THSD7A: variants seen among roughly 807,000 people sequenced by gnomAD.
THSD7A encodes thrombospondin type-1 domain-containing protein 7A.
Under a neutral mutation model 231.3 loss-of-function variants are expected in THSD7A, and 96 were observed. The ratio of observed to expected loss-of-function variants is 0.41; its 90% CI spans 0.35 to 0.49. The LOEUF is 0.49. Among genes scored for constraint, THSD7A ranks in the 20% least tolerant of loss-of-function variants. THSD7A has a pLI of 0.05. For synonymous variants in THSD7A, 940 were observed against 743.3 expected (o/e 1.26, Z -4.30); for missense variants, 2,290 against 2,070.2 (o/e 1.11, Z -2.06).
chr7:11,672,805 T>C (rs1043885931), intron 1 of THSD7A, among the ~76,000 whole-genome samples: 3 of 152,204 alleles, frequency 2.0e-5, no homozygotes, highest in Admixed American at 6.5e-5. Context: ...CATCAATCTT[T>C]TTTTCAAAAT....
chr7:11,728,691 G>A (rs1781625703), intron 1 of THSD7A, among the ~76,000 whole-genome samples: 1 of 151,802 alleles, frequency 6.6e-6, no homozygotes. Context: ...GGTTTGCATT[G>A]ATCAAATCCT....
At chr7:11,644,421 A>G (rs1160862693) in intron 1 of THSD7A, among the ~76,000 whole-genome samples, 1 of 151,934 alleles carries the variant, frequency 6.6e-6, no homozygotes, top group Non-Finnish European at 1.5e-5. Flanking sequence ...TTTCATCTAA[A>G]CTAGATTTAA....
intron 13 of THSD7A, among the ~76,000 whole-genome samples, chr7:11,439,791 C>T (rs1487425998): frequency 6.6e-6 from 1 of 151,986 alleles, no homozygotes; most frequent in Non-Finnish European, 1.5e-5. Context: ...AGGAAAGAAG[C>T]TGTCTATAAC....
At chr7:11,624,020 C>T (rs985258636) in intron 2 of THSD7A, among the ~76,000 whole-genome samples, 29 of 152,156 alleles carry the variant, frequency 1.9e-4, no homozygotes, top group African/African-American at 7.0e-4. Context: ...CTATCCAAAT[C>T]ATCCCAGCAT....
rs753486363 is a variant in THSD7A at position 11,636,803 on chromosome 7, A to G, written c.349T>C (p.Trp117Arg). The change falls in exon 2 of 28, where the codon TGG becomes CGG. Residue 117 changes from tryptophan (W) to arginine (R), a missense_variant. Transcript: ENST00000423059. This position sits in a 1 kb window ranked among gnomAD's most constrained non-coding sequence, Gnocchi z 10.0. Reference protein sequence around the residue: ...NQQNCFKVCDWHKELYDWRLG... With the variant: ...NQQNCFKVCDRHKELYDWRLG... ...CTCCAGTCGTACAACTCTTTGTGCC[A>G]ATCGCAAACTTTGAAACAATTCTGC... The G allele has an allele frequency of 1.7e-5, 28 of 1,613,862 alleles. No homozygotes were observed. In the South Asian group the frequency reaches 2.5e-4, roughly 15 times the overall value.
At chr7:11,774,430 T>G (rs1304496377) in intron 1 of THSD7A, among the ~76,000 whole-genome samples, 1 of 151,966 alleles carries the variant, frequency 6.6e-6, no homozygotes, top group African/African-American at 2.4e-5. Context: ...TAGTTAACAA[T>G]GTGATATTGT....
intron 13 of THSD7A, among the ~76,000 whole-genome samples, chr7:11,439,279 G>A (rs1784728724): frequency 6.6e-6 from 1 of 151,884 alleles, no homozygotes; most frequent in Admixed American, 6.6e-5. Flanking sequence ...ATTTTATTGG[G>A]CTTTGCTTTA....
intron 1 of THSD7A, among the ~76,000 whole-genome samples, chr7:11,760,659 G>C (rs886352749): frequency 2.0e-5 from 3 of 151,978 alleles, no homozygotes; most frequent in Admixed American, 1.3e-4. Flanking sequence ...TTCATGGATG[G>C]TTTACAGTAA....
chr7:11,410,546 AAAATTATT>A (rs530771275), intron 19 of THSD7A: 227 of 152,352 alleles, frequency 1.5e-3, no homozygotes, highest in African/African-American at 5.1e-3. Flanking sequence ...GAAATTAGAT[AAAATTATT>A]ACAACATAAA....
intron 1 of THSD7A, among the ~76,000 whole-genome samples, chr7:11,643,668 A>AT (rs1782175604): frequency 6.6e-6 from 1 of 151,600 alleles, no homozygotes; most frequent in African/African-American, 2.4e-5. Flanking sequence ...TGTTCTTCAT[A>AT]TTTTCACATT....
chr7:11,774,926 G>A (rs1783353220), intron 1 of THSD7A, among the ~76,000 whole-genome samples: 1 of 152,058 alleles, frequency 6.6e-6, no homozygotes, highest in African/African-American at 2.4e-5. Flanking sequence ...GTGGTGGCAT[G>A]TGCCTGTAAT....
chr7:11,509,260 C>T (rs1467261854), intron 6 of THSD7A, among the ~76,000 whole-genome samples: 1 of 152,080 alleles, frequency 6.6e-6, no homozygotes, highest in East Asian at 1.9e-4. Flanking sequence ...TGGTTTACGG[C>T]ATGCATAGCA....
chr7:11,516,093 C>T (rs533250093), intron 6 of THSD7A, among the ~76,000 whole-genome samples: 95 of 151,966 alleles, frequency 6.3e-4, no homozygotes, highest in African/African-American at 2.1e-3. Flanking sequence ...TTTCTAGGAG[C>T]TATTATTTGT....
intron 1 of THSD7A, among the ~76,000 whole-genome samples, chr7:11,684,512 G>T (rs1779962095): frequency 6.6e-6 from 1 of 151,532 alleles, no homozygotes. Context: ...AAGGCTCCTA[G>T]ATTTGATAAA....
chr7:11,817,176 A>C (rs1055511649), intron 1 of THSD7A, among the ~76,000 whole-genome samples: 2 of 152,146 alleles, frequency 1.3e-5, no homozygotes, highest in Non-Finnish European at 2.9e-5. Context: ...CACATAATGC[A>C]TTTCAGGAGA....
intron 13 of THSD7A, among the ~76,000 whole-genome samples, chr7:11,433,416 C>T (rs1784538807): frequency 6.6e-6 from 1 of 151,844 alleles, no homozygotes; most frequent in Admixed American, 6.6e-5. Context: ...TTAATAAATA[C>T]AATCAAACTT....
At chr7:11,687,683 GACAA>G (rs1780101038) in intron 1 of THSD7A, among the ~76,000 whole-genome samples, 1 of 151,748 alleles carries the variant, frequency 6.6e-6, no homozygotes, top group Non-Finnish European at 1.5e-5. Flanking sequence ...GAAGTATTTT[GACAA>G]ACAAAGAAAA....
intron 4 of THSD7A, among the ~76,000 whole-genome samples, chr7:11,558,641 CT>C (rs1407851863): frequency 6.6e-6 from 1 of 152,104 alleles, no homozygotes; most frequent in Admixed American, 6.6e-5. Flanking sequence ...GAACTTATGT[CT>C]CATAAAAAAG....
chr7:11,499,823 A>G (rs1459045255), intron 6 of THSD7A, among the ~76,000 whole-genome samples: 1 of 152,238 alleles, frequency 6.6e-6, no homozygotes, highest in Non-Finnish European at 1.5e-5. Flanking sequence ...GATTATGTGA[A>G]GAGGCCAAAT....
Sources: gnomAD v4.1 joint callset for allele counts (sites outside exome capture counted in the v4.1 genomes callset) on GRCh38, gnomAD v4.1.1 for gene constraint, Gnocchi (gnomAD v3.1) non-coding constraint, MANE v1.5 for transcripts, NCBI Gene and HGNC (gene_info 2026-07-23, HGNC 2026-07-21) for gene names.